Variants in SULT4A1 observed in about 807,000 individuals in gnomAD.
SULT4A1 encodes sulfotransferase family 4A member 1.
In SULT4A1, 11 loss-of-function variants were observed where a neutral mutation model predicts 35.2. That is an observed-to-expected ratio of 0.31 (90% confidence interval 0.20 to 0.52). The LOEUF (loss-of-function observed/expected upper bound fraction) is 0.52. SULT4A1 is among the 20% of genes least tolerant of loss of function. The pLI, the probability that SULT4A1 is intolerant of heterozygous loss-of-function variation, is 0.97. For synonymous variants in SULT4A1, 152 were observed against 151.8 expected (o/e 1.00, Z -0.01); for missense variants, 271 against 383.7 (o/e 0.71, Z 2.45).
intron 4 of SULT4A1, among the ~76,000 whole-genome samples, chr22:43,838,535 A>C (rs2063396051): frequency 6.6e-6 from 1 of 152,174 alleles, no homozygotes; most frequent in South Asian, 2.1e-4. Context: ...CTGGGCCTCC[A>C]TTTTTACTGT....
chr22:43,825,949 T>C lies in SULT4A1; in HGVS notation c.*52A>G. The C allele has an allele frequency of 6.4e-7, 1 of 1,561,626 alleles. No individual in the cohort carries two copies. The highest frequency in any genetic ancestry group is 2.2e-5 in the East Asian group (1 of 44,524). Reference sequence around the variant, plus strand: ...AATAAATGAATGCATACAGGACTTTTGGCTAGTAGACTGTCTGGGTATTGT... The same window carrying C: ...AATAAATGAATGCATACAGGACTTTCGGCTAGTAGACTGTCTGGGTATTGT... On this transcript the variant is annotated 3_prime_UTR_variant, in exon 7 of 7. Coordinates refer to ENST00000330884, the MANE Select transcript of SULT4A1 (RefSeq NM_014351.4).
At chr22:43,854,190 G>A (rs561260159) in intron 1 of SULT4A1, among the ~76,000 whole-genome samples, 64 of 152,170 alleles carry the variant, frequency 4.2e-4, no homozygotes, top group Non-Finnish European at 7.5e-4. Context: ...TCTTTGCCGC[G>A]GGACTTCACG....
chr22:43,840,158 C>T (rs1048271847), intron 2 of SULT4A1, 133 bp from the exon 3 acceptor site: 38 of 571,176 alleles, frequency 6.7e-5, no homozygotes, highest in East Asian at 2.5e-4. Flanking sequence ...TCAGAGGGAA[C>T]GGCGGGTCTA....
intron 3 of SULT4A1, 88 bp from the exon 4 acceptor site, chr22:43,839,081 T>C: frequency 6.5e-7 from 1 of 1,547,686 alleles, no homozygotes; most frequent in Non-Finnish European, 8.8e-7. Flanking sequence ...CTGAACCTGC[T>C]GGTGCACCTC....
chr22:43,839,088 C>A, intron 3 of SULT4A1, 95 bp from the exon 4 acceptor site: 1 of 1,512,968 alleles, frequency 6.6e-7, no homozygotes, highest in Non-Finnish European at 9.1e-7. Context: ...TGCTGGTGCA[C>A]CTCACAAACC....
At chr22:43,838,401 C>T (rs1333428618) in intron 4 of SULT4A1, among the ~76,000 whole-genome samples, 1 of 151,906 alleles carries the variant, frequency 6.6e-6, no homozygotes, top group Non-Finnish European at 1.5e-5. Flanking sequence ...TGTCCTCCTC[C>T]CAGCGGGCAC....
intron 1 of SULT4A1, among the ~76,000 whole-genome samples, chr22:43,854,900 T>G (rs1436928389): frequency 6.6e-6 from 1 of 152,190 alleles, no homozygotes; most frequent in East Asian, 1.9e-4. Flanking sequence ...CTCACATGCC[T>G]GGGCAGGCCC....
chr22:43,833,179 C>G (rs2148280147), intron 5 of SULT4A1, among the ~76,000 whole-genome samples: 1 of 152,218 alleles, frequency 6.6e-6, no homozygotes, highest in Non-Finnish European at 1.5e-5. Context: ...GGACTAAGAC[C>G]TTGTCCCATT....
intron 6 of SULT4A1, 24 bp downstream of exon 6, chr22:43,829,036 C>T (rs762121163): frequency 2.8e-5 from 39 of 1,384,300 alleles, no homozygotes; most frequent in South Asian, 2.1e-4. Flanking sequence ...AGTGCCTGGG[C>T]GGGAGGCAGG....
At chr22:43,857,827 A>G (rs568255182) in intron 1 of SULT4A1, among the ~76,000 whole-genome samples, 20 of 152,194 alleles carry the variant, frequency 1.3e-4, no homozygotes, top group African/African-American at 4.6e-4. Flanking sequence ...AGGTAAGAGG[A>G]TCATTTGAGC....
At chr22:43,855,681 T>A (rs2049393936) in intron 1 of SULT4A1, among the ~76,000 whole-genome samples, 1 of 151,832 alleles carries the variant, frequency 6.6e-6, no homozygotes, top group African/African-American at 2.4e-5. Context: ...CTGTGCAACA[T>A]CCTGTCCCAC....
chr22:43,862,159 G>A, intron 1 of SULT4A1, 55 bp downstream of exon 1: 6 of 1,346,928 alleles, frequency 4.5e-6, no homozygotes, highest in South Asian at 1.9e-5. Context: ...CGTCTACGCG[G>A]CCGCGCTGCA....
chr22:43,842,424 C>T (rs1303096459), intron 1 of SULT4A1, among the ~76,000 whole-genome samples: 4 of 152,320 alleles, frequency 2.6e-5, no homozygotes, highest in Admixed American at 1.3e-4. Flanking sequence ...TCCACCAGTA[C>T]GCAGGTTCTA....
At chr22:43,847,559 A>T (rs1359197790) in intron 1 of SULT4A1, among the ~76,000 whole-genome samples, 1 of 151,926 alleles carries the variant, frequency 6.6e-6, no homozygotes, top group Non-Finnish European at 1.5e-5. Context: ...GGTCCCAGTG[A>T]TGTGGCCCTG....
chr22:43,860,812 C>T (rs921395657), intron 1 of SULT4A1, among the ~76,000 whole-genome samples: 1 of 152,208 alleles, frequency 6.6e-6, no homozygotes, highest in African/African-American at 2.4e-5. Context: ...GGTCCCCCTC[C>T]TTCTTGGGCC....
chr22:43,840,963 T>G (rs1471920981), intron 2 of SULT4A1, among the ~76,000 whole-genome samples: 1 of 152,196 alleles, frequency 6.6e-6, no homozygotes, highest in Non-Finnish European at 1.5e-5. Context: ...CCCCCTGATC[T>G]GCTCCCCTCC....
At chr22:43,857,423 C>G (rs965608860) in intron 1 of SULT4A1, among the ~76,000 whole-genome samples, 1 of 135,064 alleles carries the variant, frequency 7.4e-6, no homozygotes, top group South Asian at 2.4e-4. Context: ...AAACAGAAAA[C>G]AGAATACAAC....
chr22:43,849,891 A>C (rs2063500254), intron 1 of SULT4A1, among the ~76,000 whole-genome samples: 1 of 152,214 alleles, frequency 6.6e-6, no homozygotes. Flanking sequence ...AGCACTGGAA[A>C]ACTTCCTCTG....
intron 1 of SULT4A1, among the ~76,000 whole-genome samples, chr22:43,853,561 C>G (rs561863817): frequency 4.5e-4 from 69 of 152,360 alleles, no homozygotes; most frequent in African/African-American, 1.7e-3. Flanking sequence ...GTTCCACAGT[C>G]AGGCCTGACC....
Sources: allele counts gnomAD v4.1 joint callset (sites outside exome capture counted in the v4.1 genomes callset), GRCh38; gene constraint gnomAD v4.1.1; transcripts MANE v1.5; gene names NCBI Gene and HGNC (gene_info 2026-07-23, HGNC 2026-07-21).